POLR2J: variants seen among roughly 807,000 people sequenced by gnomAD.
POLR2J encodes DNA-directed RNA polymerase II subunit RPB11-a.
POLR2J carries 12 observed loss-of-function variants against 13.4 expected under a neutral mutation model. The observed-to-expected ratio is 0.90, with a 90% CI of 0.57 to 1.45. The LOEUF (loss-of-function observed/expected upper bound fraction) is 1.45. Ranked by LOEUF, POLR2J falls within the 40% of genes most tolerant of loss-of-function variation. The pLI, the probability that POLR2J is intolerant of heterozygous loss-of-function variation, is 0.00. For missense variants in POLR2J, 58 were observed against 132.0 expected, an observed-to-expected ratio of 0.44 and a Z score of 2.75; for synonymous variants, 31 against 53.6, an observed-to-expected ratio of 0.58 and a Z score of 1.84.
Position 102,473,573 on chromosome 7 carries a change from G to A in POLR2J, c.*76C>T, listed in dbSNP as rs547451689. The stretch of plus-strand genomic sequence containing the variant: ...ATGGCTGGGACCGGCCGCTCTCCTC[G>A]GTGTGGTACCTGGAGCGGAGGGTCA... On this transcript the variant is annotated 3_prime_UTR_variant, in exon 4 of 4. Transcript: ENST00000292614. The A allele has an allele frequency of 1.8e-4, 291 of 1,595,730 alleles. No individual in the cohort carries two copies. Among genetic ancestry groups the A allele is most frequent in the Middle Eastern group, 3.5e-4 (2 of 5,750 alleles).
chr7:102,477,087 T>TTC (rs1798453302), intron 1 of POLR2J, among the ~76,000 whole-genome samples: 1 of 127,422 alleles, frequency 7.8e-6, no homozygotes, highest in Non-Finnish European at 1.8e-5. Context: ...GTCCTGACCC[T>TTC]GTGAGTTCCG....
In POLR2J at chr7:102,473,425, C is replaced by A; in HGVS notation, c.*224G>T. On this transcript the variant is annotated 3_prime_UTR_variant, in exon 4 of 4. Transcript: ENST00000292614. ...TCAAGCCTGACAATCCATTTGCTTG[C>A]GAAGTCACCGCTGCTCAAGTCCACA... is the stretch of plus-strand genomic sequence containing the variant. 1 of 615,850 alleles carries A rather than the reference C, an allele frequency of 1.6e-6. No individual in the cohort carries two copies. The highest frequency in any genetic ancestry group is 2.6e-5 in the South Asian group (1 of 39,042). 38.1% of individuals were successfully genotyped at this position (615,850 alleles called of 1,614,324 possible). A position where few individuals can be genotyped will look rare whatever the true frequency, so the allele number is the denominator to read the frequency against.
intron 3 of POLR2J, 81 bp from the exon 4 acceptor site, chr7:102,473,765 C>A (rs548471539): frequency 5.7e-6 from 9 of 1,583,422 alleles, no homozygotes; most frequent in African/African-American, 5.4e-5. Context: ...GCATCCCCCC[C>A]GCCAGGCCCT....
At position 102,473,554 on chromosome 7, in the gene POLR2J, G is replaced by A; in HGVS notation, c.*95C>T. 1.6e-6 allele frequency: 2 copies of A among 1,259,910 alleles called. No homozygotes were observed. Among genetic ancestry groups the A allele is most frequent in the Non-Finnish European group, 1.0e-6 (1 of 985,894 alleles). 78.0% of individuals were successfully genotyped at this position (1,259,910 alleles called of 1,614,324 possible). ...GGTGGCCACAAGGCGGGCCATGGCT[G>A]GGACCGGCCGCTCTCCTCGGTGTGG... is the stretch of plus-strand genomic sequence containing the variant. On this transcript the variant is annotated 3_prime_UTR_variant, in exon 4 of 4. Transcript: ENST00000292614.
Position 102,473,519 on chromosome 7 carries a change from CAG to C in POLR2J, c.*128_*129del. On this transcript the variant is annotated 3_prime_UTR_variant, in exon 4 of 4. Transcript: ENST00000292614. ...ATCTATGTACAGGACACGTCGGTGT[CAG>C]GGTGAGGGGTGGCCACAAGGCGGGC... 1 of 1,403,734 alleles carries C rather than the reference CAG, an allele frequency of 7.1e-7. No individual in the cohort carries two copies. The highest frequency in any genetic ancestry group is 9.7e-7 in the Non-Finnish European group (1 of 1,035,340). 87.0% of individuals were successfully genotyped at this position (1,403,734 alleles called of 1,614,324 possible).
intron 3 of POLR2J, chr7:102,474,011 G>C (rs563946887): frequency 6.9e-7 from 1 of 1,438,928 alleles, no homozygotes; most frequent in Non-Finnish European, 9.1e-7. Context: ...GGCCACCCGG[G>C]GGTGAGCTGC....
rs1251951968 is a variant in POLR2J, at chr7:102,474,612, C to T, written c.144-77G>A. On this transcript the variant is annotated intron_variant, in intron 2 of 3. Transcript: ENST00000292614. The stretch of plus-strand genomic sequence containing the variant: ...TAGCAGCCAGCTCAGAGCAGAAGAA[C>T]AGACTTTCTAGCCAAAAATCCCCCC... The T allele has an allele frequency of 6.4e-6, 9 of 1,411,858 alleles. No homozygotes were observed. In the East Asian group the frequency reaches 1.2e-4, roughly 18 times the overall value. The allele number at this position is 1,411,858 out of a possible 1,614,324, so 87.5% of individuals were successfully genotyped here. A position where few individuals can be genotyped will look rare whatever the true frequency, so the allele number is the denominator to read the frequency against.
Position 102,473,666 on chromosome 7 carries a change from G to C in POLR2J, c.337C>G (p.Gln113Glu), listed in dbSNP as rs937101772. The stretch of plus-strand genomic sequence containing the variant: ...TCTGGCCCCTACTCAATTCCTTCCT[G>C]CTTGTCTTTTATGGCCACCTGGGAG... ...ERFRVAIKDK[Q>E]EGIE is the part of the protein sequence containing the mutation. The change falls in exon 4 of 4, where the codon CAG becomes GAG. Residue 113 changes from glutamine (Q) to glutamate (E), a missense_variant. Gln to Glu is a conservative substitution (Grantham distance 29). Transcript: ENST00000292614. The C allele has an allele frequency of 7.4e-6, 12 of 1,613,732 alleles. No homozygotes were observed. Among genetic ancestry groups the C allele is most frequent in the Non-Finnish European group, 9.3e-6 (11 of 1,179,936 alleles).
intron 2 of POLR2J, among the ~76,000 whole-genome samples, chr7:102,475,187 G>T (rs533855736): frequency 2.5e-4 from 38 of 151,806 alleles, no homozygotes; most frequent in South Asian, 1.5e-3. Flanking sequence ...CCGGGCAGGA[G>T]TCCTCCATCC....
chr7:102,473,202 GA>G lies in POLR2J; in HGVS notation c.*446del, dbSNP rs896060357. On this transcript the variant is annotated 3_prime_UTR_variant, in exon 4 of 4. Coordinates refer to ENST00000292614, the MANE Select transcript of POLR2J (RefSeq NM_006234.6). ...AAAGGTGTTTCGAGTTATGCAGGAA[GA>G]AGTGTTCCTGCTTTGACTGACAGGC... 1.1e-6 allele frequency: 1 copy of G among 905,724 alleles called. No homozygotes were observed. Among genetic ancestry groups the G allele is most frequent in the African/African-American group, 1.7e-5 (1 of 59,260 alleles). The allele number at this position is 905,724 out of a possible 1,614,324, so 56.1% of individuals were successfully genotyped here.
At chr7:102,476,572 G>A (rs1220751874) in intron 1 of POLR2J, among the ~76,000 whole-genome samples, 1 of 142,862 alleles carries the variant, frequency 7.0e-6, no homozygotes, top group Non-Finnish European at 1.5e-5. Context: ...CCTGGGAGGT[G>A]GAGTTGCAGT....
intron 3 of POLR2J, chr7:102,473,957 T>C: frequency 7.0e-7 from 1 of 1,434,940 alleles, no homozygotes; most frequent in Non-Finnish European, 9.1e-7. Flanking sequence ...CTTTCCCCTC[T>C]AAACTGTTCT....
rs1047085501 is a variant in POLR2J at position 102,474,447 on chromosome 7, T to A, written c.232A>T (p.Thr78Ser). 1.2e-6 allele frequency: 2 copies of A among 1,607,942 alleles called. No homozygotes were observed. Among genetic ancestry groups the A allele is most frequent in the African/African-American group, 2.7e-5 (2 of 73,924 alleles). ...EHKIIIRVQT[T>S]PDYSPQEAFT... The stretch of plus-strand genomic sequence containing the variant: ...GCTTCCTGGGGGCTGTAGTCCGGCG[T>A]GGTCTGCACTCGGATGATGATCTTG... The change falls in exon 3 of 4, where the codon ACG becomes TCG. Residue 78 changes from threonine to serine, a missense_variant. This residue lies in a region of POLR2J where 17 missense variants were observed against 43.6 expected (regional missense o/e 0.39). Coordinates refer to ENST00000292614, the MANE Select transcript of POLR2J (RefSeq NM_006234.6).
Position 102,478,868 on chromosome 7 carries a change from C to G in POLR2J, c.-8G>C. On this transcript the variant is annotated 5_prime_UTR_variant, in exon 1 of 4. Transcript: ENST00000292614. Reference sequence around the variant, plus strand: ...GGCTGGAGGGGCGTTCATGCTCCCGCCGCCGTTGCGTCCAGACCCCAAGGG... The same window carrying G: ...GGCTGGAGGGGCGTTCATGCTCCCGGCGCCGTTGCGTCCAGACCCCAAGGG... The G allele has an allele frequency of 6.2e-7, 1 of 1,610,738 alleles. No individual in the cohort carries two copies. Among genetic ancestry groups the G allele is most frequent in the Non-Finnish European group, 8.5e-7 (1 of 1,179,714 alleles).
In POLR2J at chr7:102,478,839, C is replaced by A; in HGVS notation, c.22G>T (p.Glu8Ter). 1 of 1,610,858 alleles carries A rather than the reference C, an allele frequency of 6.2e-7. No homozygotes were observed. Among genetic ancestry groups the A allele is most frequent in the Non-Finnish European group, 8.5e-7 (1 of 1,179,740 alleles). Residue 8 changes from glutamate to a stop codon, truncating the protein, a stop_gained, in exon 1 of 4, where the codon GAG becomes TAG. Transcript: ENST00000292614. LOFTEE classifies it high-confidence loss of function. The part of the protein sequence containing the change: MNAPPAF[E>*]SFLLFEGEKK... ...TCGCCCTCGAAGAGCAAGAACGACT[C>A]GAAGGCTGGAGGGGCGTTCATGCTC... is the stretch of plus-strand genomic sequence containing the variant.
Position 102,473,504 on chromosome 7 carries a change from A to ACGACACGTC in POLR2J, c.*144_*145insGACGTGTCG, listed in dbSNP as rs1798299544. 6.9e-6 allele frequency: 7 copies of ACGACACGTC among 1,013,158 alleles called. No individual in the cohort carries two copies. The African/African-American group carries it at 1.9e-4, about 27-fold the overall frequency. The allele number at this position is 1,013,158 out of a possible 1,614,324, so 62.8% of individuals were successfully genotyped here. A position where few individuals can be genotyped will look rare whatever the true frequency, so the allele number is the denominator to read the frequency against. On this transcript the variant is annotated 3_prime_UTR_variant, in exon 4 of 4. Transcript: ENST00000292614. The stretch of plus-strand genomic sequence containing the variant: ...GGAATATAAAACCTAATCTATGTAC[A>ACGACACGTC]GGACACGTCGGTGTCAGGGTGAGGG...
intron 2 of POLR2J, among the ~76,000 whole-genome samples, chr7:102,475,664 C>T (rs1309419847): frequency 1.3e-5 from 2 of 152,272 alleles, no homozygotes; most frequent in African/African-American, 2.4e-5. Flanking sequence ...TAGCTCACGT[C>T]TCTAATCCCA....
chr7:102,475,365 T>C (rs1166390791), intron 2 of POLR2J, among the ~76,000 whole-genome samples: 8 of 152,212 alleles, frequency 5.3e-5, no homozygotes, highest in Non-Finnish European at 1.2e-4. Flanking sequence ...AGGACCTCAC[T>C]GGTATAAACA....
intron 3 of POLR2J, chr7:102,474,151 A>G (rs1401862166): frequency 1.6e-5 from 25 of 1,528,802 alleles, no homozygotes; most frequent in Admixed American, 6.1e-5. Flanking sequence ...AGCACTACAG[A>G]AGTCCCATGG....
Sources: allele counts gnomAD v4.1 joint callset (sites outside exome capture counted in the v4.1 genomes callset), GRCh38; gene constraint gnomAD v4.1.1; regional missense constraint gnomAD v4.1.1; transcripts MANE v1.5; gene names NCBI Gene and HGNC (gene_info 2026-07-23, HGNC 2026-07-21).